PSD3: variants seen among roughly 807,000 people sequenced by gnomAD.
The protein encoded by PSD3 is pleckstrin and Sec7 domain containing 3, also known as PH and SEC7 domain-containing protein 3.
Under a neutral mutation model 105.5 loss-of-function variants are expected in PSD3, and 49 were observed. That is an observed-to-expected ratio of 0.46 (90% CI 0.37 to 0.59). PSD3 has a LOEUF of 0.59. Among genes scored for constraint, PSD3 ranks in the 20% least tolerant of loss-of-function variants. The pLI is 0.00. For synonymous variants in PSD3, 557 were observed against 457.8 expected (o/e 1.22, Z -2.77); for missense variants, 1,561 against 1,263.8 (o/e 1.24, Z -3.57).
intron 12 of PSD3, among the ~76,000 whole-genome samples, chr8:18,596,302 A>G (rs1804091245): frequency 6.6e-6 from 1 of 152,122 alleles, no homozygotes. Flanking sequence ...ATTAGAAAAG[A>G]AGAAAGATTT....
chr8:18,540,590 G>A (rs896854695), intron 15 of PSD3, among the ~76,000 whole-genome samples: 14 of 152,218 alleles, frequency 9.2e-5, no homozygotes, highest in Admixed American at 3.9e-4. Context: ...CTTCAGAACT[G>A]CACCATTTCT....
At chr8:18,614,090 G>T (rs2130664687) in intron 11 of PSD3, among the ~76,000 whole-genome samples, 1 of 152,222 alleles carries the variant, frequency 6.6e-6, no homozygotes, top group Middle Eastern at 3.4e-3. Flanking sequence ...ATTGCGGTCT[G>T]GTTTGTCATC....
chr8:18,807,080 A>C (rs1052023946), intron 4 of PSD3, among the ~76,000 whole-genome samples: 1 of 152,208 alleles, frequency 6.6e-6, no homozygotes, highest in African/African-American at 2.4e-5. Flanking sequence ...TGAACCTAAA[A>C]AATAGGTTGT....
chr8:18,865,262 ATATATATATATATATATATATATAT>A lies in PSD3; in HGVS notation c.1634+2387_1634+2411del, dbSNP rs1816796993. On this transcript the variant is annotated intron_variant, in intron 4 of 15. Transcript: ENST00000327040. ...TATATATATATATATATATATATATATATATATATATATATATATATATATTTTTTTTTTTTTTTTTTTTTTTAAA... is the reference window on the plus strand; with the variant it reads ...TATATATATATATATATATATATATATTTTTTTTTTTTTTTTTTTTTTAAA... The A allele has an allele frequency of 5.0e-3, 18 of 3,582 alleles. 1 individual carries two copies. The highest frequency in any genetic ancestry group is 0.019 in the African/African-American group (15 of 790). 0.2% of individuals were successfully genotyped at this position (3,582 alleles called of 1,614,324 possible). A position where few individuals can be genotyped will look rare whatever the true frequency, so the allele number is the denominator to read the frequency against.
intron 4 of PSD3, among the ~76,000 whole-genome samples, chr8:18,859,766 A>G (rs116659337): frequency 3.1e-3 from 467 of 152,356 alleles, no homozygotes; most frequent in African/African-American, 0.011. Flanking sequence ...CTCAGCTTTC[A>G]GAGAATTGAA....
chr8:18,673,573 G>A (rs1263241212), intron 9 of PSD3, among the ~76,000 whole-genome samples: 3 of 152,142 alleles, frequency 2.0e-5, no homozygotes, highest in Non-Finnish European at 4.4e-5. Context: ...CGGCACAGCT[G>A]TTGTCCCAGG....
chr8:18,910,236 T>C (rs909480825), intron 2 of PSD3, among the ~76,000 whole-genome samples: 5 of 147,884 alleles, frequency 3.4e-5, no homozygotes, highest in Admixed American at 6.8e-5. Flanking sequence ...TGGAACCAAC[T>C]CAAATGTCCA....
At chr8:18,663,404 C>A (rs1454429645) in intron 9 of PSD3, among the ~76,000 whole-genome samples, 1 of 148,994 alleles carries the variant, frequency 6.7e-6, no homozygotes, top group East Asian at 2.0e-4. Context: ...CCAGCCTGGG[C>A]GACAGAATGA....
In PSD3 at chr8:18,572,674, T is replaced by A; in HGVS notation, c.2640-2A>T. 1 of 1,613,682 alleles carries A rather than the reference T, an allele frequency of 6.2e-7. No individual in the cohort carries two copies. The highest frequency in any genetic ancestry group is 8.5e-7 in the Non-Finnish European group (1 of 1,179,696). ...CACCCTTGCATTTCCTCTGGGCTCC[T>A]ATGAGAAATAGATATGTTTATATCA... On this transcript the variant is annotated splice_acceptor_variant, in intron 13 of 15. Coordinates refer to ENST00000327040, the MANE Select transcript of PSD3 (RefSeq NM_015310.4). LOFTEE classifies it high-confidence loss of function.
At chr8:18,818,110 C>G (rs558190858) in intron 4 of PSD3, among the ~76,000 whole-genome samples, 2 of 152,092 alleles carry the variant, frequency 1.3e-5, no homozygotes, top group African/African-American at 2.4e-5. Context: ...CCTGCCACTA[C>G]GCTTGGCTAA....
Position 18,632,778 on chromosome 8 carries a change from A to T in PSD3, c.2245T>A (p.Ser749Thr). 1 of 1,592,894 alleles carries T rather than the reference A, an allele frequency of 6.3e-7. No homozygotes were observed. Among genetic ancestry groups the T allele is most frequent in the South Asian group, 1.1e-5 (1 of 89,134 alleles). The stretch of plus-strand genomic sequence containing the variant: ...TTAGCTTTCTCCTCAGTACTTTCTG[A>T]GGGAGACTTTTTTTTCTCTTCATCA... The part of the protein sequence containing the change: ...VDDEEKKKSP[S>T]ESTEEKANGT... The change falls in exon 11 of 16, where the codon TCA (serine) becomes ACA (threonine). Residue 749 changes from serine (S) to threonine (T), a missense_variant. By Grantham distance (58) the Ser-to-Thr change is moderately conservative. Coordinates refer to ENST00000327040, the MANE Select transcript of PSD3 (RefSeq NM_015310.4).
At chr8:18,659,203 T>C (rs1158575055) in intron 9 of PSD3, among the ~76,000 whole-genome samples, 3 of 152,174 alleles carry the variant, frequency 2.0e-5, no homozygotes, top group African/African-American at 7.2e-5. Flanking sequence ...CCTATTTGTA[T>C]GTGACTAATT....
chr8:18,799,342 A>T lies in PSD3; in HGVS notation c.2035T>A (p.Cys679Ser). Residue 679 changes from cysteine (C) to serine (S), a missense_variant, in exon 8 of 16, where the codon TGC (cysteine) becomes AGC (serine). Transcript: ENST00000327040. The part of the protein sequence containing the change: ...DTIASQDGVH[C>S]LTCAIMLLNT... ...AGAAGCATTATTGCACAGGTAAGGC[A>T]ATGGACTCCATCTAAAGAAAGATAC... 6.2e-7 allele frequency: 1 copy of T among 1,605,486 alleles called. No individual in the cohort carries two copies. Among genetic ancestry groups the T allele is most frequent in the East Asian group, 2.2e-5 (1 of 44,688 alleles).
intron 4 of PSD3, among the ~76,000 whole-genome samples, chr8:18,842,849 T>C (rs1216749503): frequency 6.6e-6 from 1 of 152,186 alleles, no homozygotes; most frequent in African/African-American, 2.4e-5. Context: ...ACTGATTAAA[T>C]GAAGCCTCAT....
At chr8:18,587,037 T>C (rs770154294) in intron 12 of PSD3, among the ~76,000 whole-genome samples, 6 of 152,170 alleles carry the variant, frequency 3.9e-5, no homozygotes, top group Non-Finnish European at 7.4e-5. Flanking sequence ...ACACTAACTT[T>C]GGGCCAGGGC....
chr8:18,689,195 G>A (rs1298772479), intron 9 of PSD3, among the ~76,000 whole-genome samples: 1 of 152,152 alleles, frequency 6.6e-6, no homozygotes, highest in East Asian at 1.9e-4. Context: ...GACACACAAC[G>A]CTGATACCAT....
In PSD3 at chr8:18,968,573, T is replaced by C. The variant is rs145497533; in HGVS notation, c.22-32431A>G. On this transcript the variant is annotated intron_variant, in intron 1 of 15. Transcript: ENST00000327040. The stretch of plus-strand genomic sequence containing the variant: ...TTGCTGTCACCTAGCTTGCAGAGCA[T>C]ACTTTAAAATGTTGTGGCCTGGGCC... 4.8e-4 allele frequency among the ~76,000 whole-genome samples: 73 copies of C among 152,250 alleles called. No homozygotes were observed. The East Asian group carries it at 0.014, about 29-fold the overall frequency.
intron 14 of PSD3, chr8:18,557,343 G>T (rs1176262882): frequency 1.3e-5 from 2 of 152,080 alleles, no homozygotes. Flanking sequence ...GTAGAATGAG[G>T]GGAATAATTT....
intron 11 of PSD3, among the ~76,000 whole-genome samples, chr8:18,616,641 T>TTTTTTTTTTA (rs1805699744): frequency 1.6e-5 from 2 of 126,082 alleles, no homozygotes; most frequent in Non-Finnish European, 1.7e-5. Context: ...TTTTTTTTTT[T>TTTTTTTTTTA]GAGACGGAGT....
Sources: allele counts gnomAD v4.1 joint callset (sites outside exome capture counted in the v4.1 genomes callset), GRCh38; gene constraint gnomAD v4.1.1; transcripts MANE v1.5; gene names NCBI Gene and HGNC (gene_info 2026-07-23, HGNC 2026-07-21).